Variants in RYR2 observed in about 807,000 individuals in gnomAD.
RYR2 encodes ryanodine receptor 2.
A neutral mutation model predicts 601.1 loss-of-function variants in RYR2; 227 were observed. That is an observed-to-expected ratio of 0.38 (90% CI 0.34 to 0.42). RYR2 has a LOEUF of 0.42. RYR2 is among the 10% of genes least tolerant of loss of function. RYR2 has a pLI of 1.00. For synonymous variants in RYR2, 2,223 were observed against 2,175.1 expected (o/e 1.02, Z -0.61); for missense variants, 4,646 against 6,156.5 (o/e 0.75, Z 8.21).
chr1:237,791,133 C>G (rs968526075), intron 92 of RYR2, among the ~76,000 whole-genome samples: 3 of 152,242 alleles, frequency 2.0e-5, no homozygotes, highest in African/African-American at 7.2e-5. Flanking sequence ...CCAACACCAT[C>G]TAAAATAGCA....
At chr1:237,645,988 T>C (rs1253169401) in intron 48 of RYR2, among the ~76,000 whole-genome samples, 1 of 150,666 alleles carries the variant, frequency 6.6e-6, no homozygotes, top group Non-Finnish European at 1.5e-5. Flanking sequence ...GCCATTCTCC[T>C]GCTTCAGCCT....
In RYR2 at chr1:237,590,855, T is replaced by C. The variant is rs766835526; in HGVS notation, c.4023T>C (p.Ser1341=). Residue 1341 remains serine (S), a synonymous_variant, in exon 31 of 105, where the codon TCT becomes TCC. Transcript: ENST00000366574. ...ACTTGGAAGATTATGATGCTGATTC[T>C]GACTTTGAGGTTCTGATGAAGACAG... The part of the protein sequence containing the change: ...KNDLEDYDAD[S]DFEVLMKTAH... 1.2e-6 allele frequency: 2 copies of C among 1,613,884 alleles called. No individual in the cohort carries two copies. The highest frequency in any genetic ancestry group is 2.7e-5 in the African/African-American group (2 of 75,036).
chr1:237,266,094 G>A (rs1475167319), intron 1 of RYR2, among the ~76,000 whole-genome samples: 3 of 152,210 alleles, frequency 2.0e-5, no homozygotes, highest in Admixed American at 1.3e-4. Flanking sequence ...GTCATCATGT[G>A]CATTTCAGCA....
intron 54 of RYR2, among the ~76,000 whole-genome samples, chr1:237,658,485 G>T (rs187949317): frequency 4.6e-5 from 7 of 152,036 alleles, no homozygotes; most frequent in Admixed American, 4.6e-4. Context: ...TGGAACTACC[G>T]GGCTCGAGCA....
intron 2 of RYR2, among the ~76,000 whole-genome samples, chr1:237,287,418 T>A (rs1691684574): frequency 1.3e-5 from 2 of 152,336 alleles, no homozygotes; most frequent in African/African-American, 2.4e-5. Flanking sequence ...AGGTTTTAGA[T>A]TTCTCCTCTT....
intron 32 of RYR2, among the ~76,000 whole-genome samples, chr1:237,592,640 A>AG (rs1285012883): frequency 3.1e-5 from 4 of 129,112 alleles, no homozygotes; most frequent in Non-Finnish European, 7.4e-5. Flanking sequence ...CTCAAAAAAA[A>AG]AAAAAGTGAG....
intron 1 of RYR2, among the ~76,000 whole-genome samples, chr1:237,164,822 C>G (rs1407832967): frequency 1.3e-5 from 2 of 152,294 alleles, no homozygotes; most frequent in East Asian, 3.9e-4. Context: ...TTGTTTTTCT[C>G]CACGTTTACT....
At chr1:237,420,441 G>A (rs901698940) in intron 11 of RYR2, among the ~76,000 whole-genome samples, 3 of 152,108 alleles carry the variant, frequency 2.0e-5, no homozygotes, top group African/African-American at 7.2e-5. Context: ...GTTTTTTGAT[G>A]TTACCATAGG....
At chr1:237,519,994 C>T (rs994526898) in intron 24 of RYR2, among the ~76,000 whole-genome samples, 3 of 152,124 alleles carry the variant, frequency 2.0e-5, no homozygotes, top group African/African-American at 4.8e-5. Context: ...AGATCTTGTA[C>T]ACCTCCTTGG....
At chr1:237,161,266 T>A (rs1197738579) in intron 1 of RYR2, among the ~76,000 whole-genome samples, 2 of 152,192 alleles carry the variant, frequency 1.3e-5, no homozygotes, top group African/African-American at 4.8e-5. Context: ...TTTCTAATGA[T>A]AATTCCAAAG....
Position 237,666,530 on chromosome 1 carries a change from C to T in RYR2, c.8455C>T (p.His2819Tyr), listed in dbSNP as rs750805406. ...QTSQVSVDAA[H>Y]GYSPRAIDMS... is the part of the protein sequence containing the mutation. ...GATCTAGGTTTCTGTGGACGCTGCC[C>T]ATGGTTACAGTCCCCGGGCCATTGA... The change falls in exon 57 of 105, where the codon CAT becomes TAT. Residue 2819 changes from histidine (H) to tyrosine (Y), a missense_variant. By Grantham distance (83) the His-to-Tyr change is moderately conservative. Around this residue, in one of 17 missense-constraint regions of RYR2, gnomAD observed 1,497 missense variants for 1,842.6 expected, o/e 0.81. Coordinates refer to ENST00000366574, the MANE Select transcript of RYR2 (RefSeq NM_001035.3). 1.2e-6 allele frequency: 2 copies of T among 1,612,082 alleles called. No individual in the cohort carries two copies. The highest frequency in any genetic ancestry group is 2.2e-5 in the South Asian group (2 of 90,572).
At chr1:237,719,553 C>T (rs1451982048) in intron 73 of RYR2, among the ~76,000 whole-genome samples, 1 of 152,050 alleles carries the variant, frequency 6.6e-6, no homozygotes, top group Non-Finnish European at 1.5e-5. Context: ...GAGGGAGGTG[C>T]CACACACTTA....
intron 11 of RYR2, among the ~76,000 whole-genome samples, chr1:237,422,725 G>T (rs1248104053): frequency 6.6e-6 from 1 of 152,166 alleles, no homozygotes; most frequent in Middle Eastern, 3.2e-3. Flanking sequence ...ATTACTTGGA[G>T]TTATACTTCC....
chr1:237,708,366 A>G (rs1193615115), intron 68 of RYR2, among the ~76,000 whole-genome samples: 1 of 152,176 alleles, frequency 6.6e-6, no homozygotes, highest in Non-Finnish European at 1.5e-5. Context: ...TGGCCCAATC[A>G]AGTTTAGAAC....
intron 27 of RYR2, among the ~76,000 whole-genome samples, chr1:237,561,922 T>A (rs1382922256): frequency 1.3e-5 from 2 of 152,098 alleles, no homozygotes; most frequent in Admixed American, 1.3e-4. Flanking sequence ...GTTGAGAGAT[T>A]TTATAGCATA....
Position 237,496,766 on chromosome 1 carries a change from A to T in RYR2, c.2203+14A>T. On this transcript the variant is annotated intron_variant, in intron 20 of 104. Transcript: ENST00000366574. Reference sequence around the variant, plus strand: ...ATCTCTGGTCAGGTACGTACTATCCATTTTCTTTCACCGTGTTCCAGAAGA... The same window carrying T: ...ATCTCTGGTCAGGTACGTACTATCCTTTTTCTTTCACCGTGTTCCAGAAGA... 6.3e-7 allele frequency: 1 copy of T among 1,594,306 alleles called. No individual in the cohort carries two copies. The highest frequency in any genetic ancestry group is 2.2e-5 in the East Asian group (1 of 44,472).
intron 1 of RYR2, among the ~76,000 whole-genome samples, chr1:237,060,888 G>T (rs915457835): frequency 5.3e-5 from 8 of 152,150 alleles, no homozygotes; most frequent in African/African-American, 1.9e-4. Context: ...TGAAATAAGG[G>T]TATGTATACA....
intron 48 of RYR2, 104 bp from the exon 49 acceptor site, chr1:237,648,340 T>A: frequency 9.5e-7 from 1 of 1,051,936 alleles, no homozygotes; most frequent in Non-Finnish European, 1.3e-6. Flanking sequence ...AGCCATTTCA[T>A]TGAAAACTGT....
intron 18 of RYR2, among the ~76,000 whole-genome samples, chr1:237,492,197 A>AATTTTTGT (rs1663431698): frequency 6.6e-6 from 1 of 152,190 alleles, no homozygotes; most frequent in East Asian, 1.9e-4. Context: ...ATGCCCGGCT[A>AATTTTTGT]ATTTTTGTAT....
Sources: allele counts gnomAD v4.1 joint callset (sites outside exome capture counted in the v4.1 genomes callset), GRCh38; gene constraint gnomAD v4.1.1; regional missense constraint gnomAD v4.1.1; transcripts MANE v1.5; gene names NCBI Gene and HGNC (gene_info 2026-07-23, HGNC 2026-07-21).